Variants in PDE8A observed in about 807,000 individuals in gnomAD.
PDE8A encodes the protein high affinity cAMP-specific and IBMX-insensitive 3',5'-cyclic phosphodiesterase 8A.
PDE8A carries 59 observed loss-of-function variants against 105.0 expected under a neutral mutation model. The observed-to-expected ratio is 0.56, with a 90% CI of 0.46 to 0.70. The LOEUF (loss-of-function observed/expected upper bound fraction) is 0.70. PDE8A is among the 30% of genes least tolerant of loss of function. PDE8A has a pLI of 0.00. For missense variants in PDE8A, 1,014 were observed against 1,045.9 expected (o/e 0.97, Z 0.42); for synonymous variants, 355 against 371.9 (o/e 0.95, Z 0.52).
At chr15:85,055,327 T>C (rs1414571169) in intron 1 of PDE8A, among the ~76,000 whole-genome samples, 8 of 152,304 alleles carry the variant, frequency 5.3e-5, no homozygotes, top group Admixed American at 2.0e-4. Context: ...CTATTAGGTC[T>C]GCTTGGTGCA....
At chr15:85,057,143 A>G (rs916374146) in intron 1 of PDE8A, among the ~76,000 whole-genome samples, 4 of 152,056 alleles carry the variant, frequency 2.6e-5, no homozygotes, top group Non-Finnish European at 5.9e-5. Flanking sequence ...CAGAACGGCA[A>G]ATGTTGCTGC....
chr15:85,066,576 C>T (rs1359203510), intron 2 of PDE8A, among the ~76,000 whole-genome samples: 1 of 137,086 alleles, frequency 7.3e-6, no homozygotes, highest in African/African-American at 2.8e-5. Context: ...ACCCACCATC[C>T]CCCCAAAACA....
chr15:85,076,478 A>T (rs994543597), intron 4 of PDE8A, among the ~76,000 whole-genome samples: 2 of 152,014 alleles, frequency 1.3e-5, no homozygotes, highest in Non-Finnish European at 2.9e-5. Context: ...TTAAAAAGAT[A>T]TATGAACACT....
chr15:85,000,037 G>A (rs959746132), intron 1 of PDE8A, among the ~76,000 whole-genome samples: 13 of 152,168 alleles, frequency 8.5e-5, no homozygotes, highest in Non-Finnish European at 1.2e-4. Context: ...GAAAACTTGC[G>A]TTCAAATTCT....
chr15:85,003,007 C>T (rs2080090413), intron 1 of PDE8A, among the ~76,000 whole-genome samples: 1 of 151,972 alleles, frequency 6.6e-6, no homozygotes. Context: ...CATTTTACTT[C>T]TTTGAGTTTA....
At chr15:85,108,843 C>T (rs966790833) in intron 11 of PDE8A, among the ~76,000 whole-genome samples, 1 of 152,058 alleles carries the variant, frequency 6.6e-6, no homozygotes, top group Admixed American at 6.6e-5. Flanking sequence ...CTGTAAAGCC[C>T]TTGTTTATCT....
chr15:85,082,715 T>C lies in PDE8A; in HGVS notation c.547-841T>C, dbSNP rs541332379. Among the ~76,000 whole-genome samples, 207 of 152,360 alleles carry C rather than the reference T, an allele frequency of 1.4e-3. 1 individual carries two copies. Among genetic ancestry groups the C allele is most frequent in the African/African-American group, 4.7e-3 (196 of 41,594 alleles). On this transcript the variant is annotated intron_variant, in intron 5 of 21. Transcript: ENST00000394553. Reference sequence around the variant, plus strand: ...CTTCCTCTTCAGCCAGGTAGAGTATTGTCCACTTATTGTGCAGGTAAAAAG... The same window carrying C: ...CTTCCTCTTCAGCCAGGTAGAGTATCGTCCACTTATTGTGCAGGTAAAAAG...
chr15:85,023,118 T>C (rs2080456327), intron 1 of PDE8A, among the ~76,000 whole-genome samples: 1 of 152,122 alleles, frequency 6.6e-6, no homozygotes, highest in South Asian at 2.1e-4. Flanking sequence ...TAGGCAAACA[T>C]TTGAAGGAGT....
chr15:85,102,522 A>T (rs1268903562), intron 11 of PDE8A, among the ~76,000 whole-genome samples: 2 of 146,268 alleles, frequency 1.4e-5, no homozygotes, highest in Non-Finnish European at 3.0e-5. Flanking sequence ...GGTTGTAAGC[A>T]TTTTTTTTTT....
chr15:85,102,471 T>G (rs1281141267), intron 11 of PDE8A, among the ~76,000 whole-genome samples: 2 of 151,428 alleles, frequency 1.3e-5, no homozygotes, highest in African/African-American at 4.9e-5. Context: ...GGGCCTGTTA[T>G]GGAGAGTCCT....
At chr15:85,071,756 C>G (rs1270473289) in intron 3 of PDE8A, among the ~76,000 whole-genome samples, 3 of 152,162 alleles carry the variant, frequency 2.0e-5, no homozygotes, top group African/African-American at 7.2e-5. Context: ...TTGGCAAACT[C>G]TTAGCCTGCA....
In PDE8A at chr15:85,126,256, A is replaced by G. The variant is rs2082256935; in HGVS notation, c.2135A>G (p.Glu712Gly). 6.2e-7 allele frequency: 1 copy of G among 1,612,988 alleles called. No homozygotes were observed. Among genetic ancestry groups the G allele is most frequent in the South Asian group, 1.1e-5 (1 of 90,864 alleles). ...ATAAACACTATGCTTAGGACTCCAG[A>G]GAACCGGACCCTAATCAAACGAATG... ...EVINTMLRTP[E>G]NRTLIKRMLI... The change falls in exon 20 of 22, where the codon GAG becomes GGG. Residue 712 changes from glutamate (E) to glycine (G), a missense_variant. By Grantham distance (98) the Glu-to-Gly change is moderately conservative (BLOSUM62 -2). Transcript: ENST00000394553.
intron 1 of PDE8A, among the ~76,000 whole-genome samples, chr15:84,996,850 A>AAAAAAAGG (rs61005863): frequency 6.8e-6 from 1 of 146,672 alleles, no homozygotes; most frequent in African/African-American, 2.5e-5. Context: ...AAAAAAAAAA[A>AAAAAAAGG]GGTGGTACAC....
rs555958326 is a variant in PDE8A, at chr15:85,067,103, G to T, written c.333G>T (p.Lys111Asn). 1.3e-4 allele frequency: 206 copies of T among 1,613,748 alleles called. 3 individuals are homozygous for T. In the South Asian group the frequency reaches 2.2e-3, roughly 17 times the overall value. Residue 111 changes from lysine (K) to asparagine (N), a missense_variant, in exon 3 of 22, where the codon AAG (lysine) becomes AAT (asparagine). Physicochemically the swap from Lys to Asn is moderately conservative, Grantham distance 94. Coordinates refer to ENST00000394553, the MANE Select transcript of PDE8A (RefSeq NM_002605.3). Reference protein sequence around the residue: ...EKAGFKCTVTKEAQAVLACFL... With the variant: ...EKAGFKCTVTNEAQAVLACFL... ...CAGGGTTTAAGTGTACAGTTACCAA[G>T]GAGGCTCAGGCTGTCCTTGCCTGTT...
intron 1 of PDE8A, among the ~76,000 whole-genome samples, chr15:85,027,787 G>A (rs1250165814): frequency 3.3e-5 from 5 of 152,060 alleles, no homozygotes; most frequent in Admixed American, 1.3e-4. Context: ...ATTTTACCAC[G>A]TAGAGGAGGG....
intron 16 of PDE8A, among the ~76,000 whole-genome samples, chr15:85,116,566 T>A (rs2082100226): frequency 6.6e-6 from 1 of 152,216 alleles, no homozygotes; most frequent in South Asian, 2.1e-4. Context: ...CTGGGTGTGA[T>A]CACAGAGAGT....
chr15:85,009,110 A>AGTGTGTGTGTGT, intron 1 of PDE8A, among the ~76,000 whole-genome samples: 1 of 64,202 alleles, frequency 1.6e-5, no homozygotes, highest in African/African-American at 4.5e-5. Context: ...AGAGAGAGAG[A>AGTGTGTGTGTGT]GTGTGTGTGT....
intron 5 of PDE8A, among the ~76,000 whole-genome samples, chr15:85,081,392 G>GT (rs1446250963): frequency 6.6e-6 from 1 of 152,144 alleles, no homozygotes; most frequent in Non-Finnish European, 1.5e-5. Context: ...GCATGCTGGT[G>GT]TTTTTTCAAA....
chr15:85,095,036 C>T (rs2081719509), intron 8 of PDE8A, among the ~76,000 whole-genome samples: 1 of 152,182 alleles, frequency 6.6e-6, no homozygotes. Context: ...TGTGCCCACC[C>T]TGGGGATAGG....
Sources: allele counts gnomAD v4.1 joint callset (sites outside exome capture counted in the v4.1 genomes callset), GRCh38; gene constraint gnomAD v4.1.1; transcripts MANE v1.5; gene names NCBI Gene and HGNC (gene_info 2026-07-23, HGNC 2026-07-21).